PTPRN2: variants seen among roughly 807,000 people sequenced by gnomAD.
PTPRN2 encodes protein tyrosine phosphatase receptor type N2, also known as receptor-type tyrosine-protein phosphatase N2.
In PTPRN2, 74 loss-of-function variants were observed where a neutral mutation model predicts 118.8. The observed-to-expected ratio is 0.62, with a 90% confidence interval of 0.52 to 0.76. The LOEUF is 0.76. PTPRN2 is among the 30% of genes least tolerant of loss of function. The pLI, the probability that PTPRN2 is intolerant of heterozygous loss-of-function variation, is 0.00. For missense variants in PTPRN2, 1,481 were observed against 1,394.4 expected (o/e 1.06, Z -0.99); for synonymous variants, 641 against 608.0 (o/e 1.05, Z -0.80).
intron 3 of PTPRN2, among the ~76,000 whole-genome samples, chr7:158,293,847 C>T (rs1256879182): frequency 6.6e-6 from 1 of 152,068 alleles, no homozygotes; most frequent in Admixed American, 6.5e-5. Context: ...ACCTCCACAT[C>T]TTGTCCCACA....
In PTPRN2 at chr7:158,024,577, T is replaced by C. The variant is rs117747662; in HGVS notation, c.1723+56721A>G. Among the ~76,000 whole-genome samples, 42 of 152,330 alleles carry C rather than the reference T, an allele frequency of 2.8e-4. No homozygotes were observed. The East Asian group carries it at 7.7e-3, about 28-fold the overall frequency. On this transcript the variant is annotated intron_variant, in intron 11 of 22. Transcript: ENST00000389418. ...GTCCTCCACAAGGTCATAGGCATTGTAAGCCAGGAGTGCATCCTAGGCCCT... is the reference window on the plus strand; with the variant it reads ...GTCCTCCACAAGGTCATAGGCATTGCAAGCCAGGAGTGCATCCTAGGCCCT...
At chr7:158,333,422 T>C (rs201393384) in intron 2 of PTPRN2, among the ~76,000 whole-genome samples, 1 of 95,104 alleles carries the variant, frequency 1.1e-5, no homozygotes, top group African/African-American at 4.0e-5. Context: ...ACCCACACTG[T>C]CACCATAAGA....
intron 3 of PTPRN2, among the ~76,000 whole-genome samples, chr7:158,242,810 C>T (rs944487659): frequency 3.3e-5 from 5 of 152,152 alleles, no homozygotes; most frequent in Non-Finnish European, 7.3e-5. Flanking sequence ...AATGTCTTGG[C>T]GTATAAATGT....
At position 158,336,687 on chromosome 7, in the gene PTPRN2, G is replaced by T. The variant is rs367993665; in HGVS notation, c.164-19755C>A. Among the ~76,000 whole-genome samples the T allele has an allele frequency of 5.2e-4, 40 of 77,072 alleles. No homozygotes were observed. In the East Asian group the frequency reaches 7.7e-3, roughly 15 times the overall value. The allele number at this position is 77,072 out of a possible 152,430, so 50.6% of individuals were successfully genotyped here. Reference sequence around the variant, plus strand: ...CCACACTCTCACCATAAGAGCTGACGCCCGCAGACGTCACTCACACCCACA... The same window carrying T: ...CCACACTCTCACCATAAGAGCTGACTCCCGCAGACGTCACTCACACCCACA... On this transcript the variant is annotated intron_variant, in intron 2 of 22. Coordinates refer to ENST00000389418, the MANE Select transcript of PTPRN2 (RefSeq NM_002847.5).
chr7:157,656,467 G>A lies in PTPRN2; in HGVS notation c.2086C>T (p.Gln696Ter), dbSNP rs1182000421. The part of the protein sequence containing the change: ...HTSRISSVSS[Q>*]FSDGPIPSPS... ...CTGGGGATCGGCCCGTCGCTGAACTGGGATGAGACGCTGCTGATGCGTGAC... is the reference window on the plus strand; with the variant it reads ...CTGGGGATCGGCCCGTCGCTGAACTAGGATGAGACGCTGCTGATGCGTGAC... The change falls in exon 14 of 23, where the codon CAG becomes TAG. Residue 696 changes from glutamine (Q) to a stop codon, truncating the protein, a stop_gained. Transcript: ENST00000389418. LOFTEE classifies it high-confidence loss of function. 7 of 1,555,488 alleles carry A rather than the reference G, an allele frequency of 4.5e-6. No homozygotes were observed. The highest frequency in any genetic ancestry group is 2.4e-5 in the East Asian group (1 of 41,454).
chr7:158,072,659 G>A (rs1812034194), intron 11 of PTPRN2, among the ~76,000 whole-genome samples: 1 of 152,108 alleles, frequency 6.6e-6, no homozygotes, highest in African/African-American at 2.4e-5. Context: ...CTGGTGTCAG[G>A]AGGAACTTTC....
At position 158,068,244 on chromosome 7, in the gene PTPRN2, C is replaced by T. The variant is rs539209211; in HGVS notation, c.1723+13054G>A. 1.3e-4 allele frequency among the ~76,000 whole-genome samples: 20 copies of T among 152,358 alleles called. No homozygotes were observed. The South Asian group carries it at 1.7e-3, about 13-fold the overall frequency. On this transcript the variant is annotated intron_variant, in intron 11 of 22. Transcript: ENST00000389418. ...CAACATGAAGGAGAAAGCCATGAAACGACGCAGGTGGCTGTCTGATCAGGC... is the reference window on the plus strand; with the variant it reads ...CAACATGAAGGAGAAAGCCATGAAATGACGCAGGTGGCTGTCTGATCAGGC...
chr7:158,138,503 T>A lies in PTPRN2; in HGVS notation c.923A>T (p.His308Leu). ...CCTCTGCAGGTCCTTCAGGAGGGTA[T>A]GAATCCGTGCTCCTAGGGGCACACA... ...PSSTGDGARI[H>L]TLLKDLQRQP... The change falls in exon 7 of 23, where the codon CAT becomes CTT. Residue 308 changes from histidine to leucine, a missense_variant. By Grantham distance (99) the His-to-Leu change is moderately conservative. Coordinates refer to ENST00000389418, the MANE Select transcript of PTPRN2 (RefSeq NM_002847.5). The A allele has an allele frequency of 1.2e-6, 2 of 1,611,806 alleles. No homozygotes were observed. Among genetic ancestry groups the A allele is most frequent in the Non-Finnish European group, 1.7e-6 (2 of 1,179,996 alleles).
At chr7:158,210,531 C>G (rs1035816370) in intron 3 of PTPRN2, among the ~76,000 whole-genome samples, 4 of 151,750 alleles carry the variant, frequency 2.6e-5, no homozygotes, top group African/African-American at 9.7e-5. Context: ...ATCAATGAAA[C>G]AAAAAGTTGG....
intron 12 of PTPRN2, among the ~76,000 whole-genome samples, chr7:157,816,975 T>C (rs1464300622): frequency 6.6e-6 from 1 of 152,238 alleles, no homozygotes; most frequent in African/African-American, 2.4e-5. Context: ...GCAGATGGGC[T>C]GCCGACCACA....
intron 12 of PTPRN2, among the ~76,000 whole-genome samples, chr7:157,888,395 G>A (rs542243511): frequency 6.6e-6 from 1 of 152,270 alleles, no homozygotes; most frequent in African/African-American, 2.4e-5. Flanking sequence ...TTCAGATACT[G>A]CTGAACCCAC....
intron 9 of PTPRN2, among the ~76,000 whole-genome samples, chr7:158,123,703 G>T (rs935469162): frequency 3.3e-5 from 5 of 152,232 alleles, no homozygotes; most frequent in African/African-American, 1.2e-4. Context: ...GGATGAGACT[G>T]TACTGCTCAC....
rs905936136 is a variant in PTPRN2 at position 158,348,494 on chromosome 7, C to T, written c.164-31562G>A. On this transcript the variant is annotated intron_variant, in intron 2 of 22. Transcript: ENST00000389418. ...CACAGCCCCAGAGCCACCCTGGGGT[C>T]CCCATTCACAGCCCCAGAGCCACCC... Among the ~76,000 whole-genome samples the T allele has an allele frequency of 4.8e-5, 7 of 146,688 alleles. 1 individual carries two copies. Among genetic ancestry groups the T allele is most frequent in the African/African-American group, 1.8e-4 (7 of 39,426 alleles).
intron 12 of PTPRN2, among the ~76,000 whole-genome samples, chr7:157,756,006 C>A (rs1021807542): frequency 2.0e-5 from 3 of 152,210 alleles, no homozygotes; most frequent in African/African-American, 7.2e-5. Flanking sequence ...GTAAATGCTG[C>A]AGTGGTTTAC....
chr7:158,500,663 C>A (rs541602473), intron 1 of PTPRN2, among the ~76,000 whole-genome samples: 8 of 152,372 alleles, frequency 5.3e-5, no homozygotes, highest in Non-Finnish European at 8.8e-5. Context: ...CCAAACGCCC[C>A]AGCCACAAAA....
chr7:158,020,179 G>C (rs1364601275), intron 11 of PTPRN2, among the ~76,000 whole-genome samples: 2 of 152,170 alleles, frequency 1.3e-5, no homozygotes, highest in Non-Finnish European at 1.5e-5. Context: ...GCCCGTTATT[G>C]CTGCCACTGT....
intron 12 of PTPRN2, among the ~76,000 whole-genome samples, chr7:157,709,091 T>TC (rs1331063144): frequency 6.6e-6 from 1 of 152,150 alleles, no homozygotes; most frequent in African/African-American, 2.4e-5. Flanking sequence ...CTTCTGCCTC[T>TC]CCCAGTGGGA....
rs1398237520 is a variant in PTPRN2, at chr7:158,337,459, AC to A, written c.164-20528del. On this transcript the variant is annotated intron_variant, in intron 2 of 22. Coordinates refer to ENST00000389418, the MANE Select transcript of PTPRN2 (RefSeq NM_002847.5). ...GGTGACACCCACAGACGTCACTCAAACCCACACTCTCACCATAAGAGGTGAC... is the reference window on the plus strand; with the variant it reads ...GGTGACACCCACAGACGTCACTCAAACCACACTCTCACCATAAGAGGTGAC... 4.1e-4 allele frequency among the ~76,000 whole-genome samples: 58 copies of A among 140,350 alleles called. 3 individuals carry two copies. Among genetic ancestry groups the A allele is most frequent in the Non-Finnish European group, 4.1e-4 (26 of 64,128 alleles). 92.1% of individuals were successfully genotyped at this position (140,350 alleles called of 152,430 possible).
At chr7:158,578,511 G>A (rs1828459281) in intron 1 of PTPRN2, among the ~76,000 whole-genome samples, 1 of 136,020 alleles carries the variant, frequency 7.4e-6, no homozygotes, top group African/African-American at 2.8e-5. Context: ...CTCCAGTCTG[G>A]GCTACAGAGC....
Sources: allele counts gnomAD v4.1 joint callset (sites outside exome capture counted in the v4.1 genomes callset), GRCh38; gene constraint gnomAD v4.1.1; transcripts MANE v1.5; gene names NCBI Gene and HGNC (gene_info 2026-07-23, HGNC 2026-07-21).